PSD2: variants seen among roughly 807,000 people sequenced by gnomAD.
PSD2 encodes the protein PH and SEC7 domain-containing protein 2.
PSD2 carries 38 observed loss-of-function variants against 69.8 expected under a neutral mutation model. The ratio of observed to expected loss-of-function variants is 0.54; its 90% CI spans 0.42 to 0.71. The LOEUF is 0.71. Among genes scored for constraint, PSD2 ranks in the 30% least tolerant of loss-of-function variants. The pLI, the probability that PSD2 is intolerant of heterozygous loss-of-function variation, is 0.00. For synonymous variants in PSD2, 412 were observed against 423.0 expected (o/e 0.97, Z 0.32); for missense variants, 943 against 1,014.5 (o/e 0.93, Z 0.96).
the PSD2 span, among the ~76,000 whole-genome samples, chr5:139,787,065 G>A: frequency 6.6e-6 from 1 of 151,910 alleles, no homozygotes; most frequent in Non-Finnish European, 1.5e-5. Context: ...GGGCCTGGGG[G>A]GTGTGTGGGA....
upstream of PSD2, among the ~76,000 whole-genome samples, chr5:139,793,725 C>G (rs1008665188): frequency 6.6e-6 from 1 of 152,202 alleles, no homozygotes; most frequent in Non-Finnish European, 1.5e-5. Flanking sequence ...CAGTGGACAA[C>G]AATTAAATAG....
At chr5:139,772,742 C>T in the PSD2 span, 3 of 152,262 alleles carry the variant, frequency 2.0e-5, no homozygotes, top group Admixed American at 6.5e-5. Context: ...GAAACTCCTC[C>T]TCATGCAGCC....
the PSD2 span, among the ~76,000 whole-genome samples, chr5:139,784,107 A>G: frequency 1.3e-4 from 19 of 151,326 alleles, no homozygotes; most frequent in Admixed American, 1.2e-3. Flanking sequence ...ACACTGGCTA[A>G]TTTTTGTATT....
the PSD2 span, among the ~76,000 whole-genome samples, chr5:139,764,781 G>A: frequency 6.6e-6 from 1 of 152,188 alleles, no homozygotes; most frequent in African/African-American, 2.4e-5. Context: ...ATCTGGGGGA[G>A]GTAGATAATA....
chr5:139,820,067 T>C (rs1381865856), intron 5 of PSD2, among the ~76,000 whole-genome samples: 1 of 151,798 alleles, frequency 6.6e-6, no homozygotes, highest in African/African-American at 2.4e-5. Flanking sequence ...AGGGGAAAGG[T>C]CGGTGTGAGA....
chr5:139,756,280 C>T, the PSD2 span, among the ~76,000 whole-genome samples: 7 of 152,234 alleles, frequency 4.6e-5, no homozygotes, highest in Non-Finnish European at 5.9e-5. Flanking sequence ...CTCCGCCGCG[C>T]GGCGTAATTC....
the PSD2 span, among the ~76,000 whole-genome samples, chr5:139,756,272 C>G: frequency 2.0e-5 from 3 of 152,220 alleles, no homozygotes; most frequent in Non-Finnish European, 2.9e-5. Flanking sequence ...TTATCTGCCT[C>G]CGCCGCGCGG....
rs1303960548 is a variant in PSD2, at chr5:139,842,757, C to T, written c.*283C>T. The T allele has an allele frequency of 2.7e-6, 1 of 366,138 alleles. No individual in the cohort carries two copies. The allele number at this position is 366,138 out of a possible 1,614,324, so 22.7% of individuals were successfully genotyped here. On this transcript the variant is annotated 3_prime_UTR_variant, in exon 15 of 15. Coordinates refer to ENST00000274710, the MANE Select transcript of PSD2 (RefSeq NM_032289.4). ...AGTTGTGTGCATGCTCTAGACACCA[C>T]CTCGCTGGAGAAGCTGGAAGGGCTG...
rs1361423082 is a variant in PSD2 at position 139,838,638 on chromosome 5, G to A, written c.1834G>A (p.Glu612Lys). The change falls in exon 13 of 15, where the codon GAA becomes AAA. Residue 612 changes from glutamate (E) to lysine (K), a missense_variant. Transcript: ENST00000274710. ...CCCTCCTGTCCCCAGGAGCAAGGAA[G>A]AAATGCTGTCCTGGATCCTCAGGAT... ...VFLFQAPSKE[E>K]MLSWILRINL... The A allele has an allele frequency of 6.2e-7, 1 of 1,613,052 alleles. No homozygotes were observed. Among genetic ancestry groups the A allele is most frequent in the African/African-American group, 1.3e-5 (1 of 75,014 alleles).
rs114314063 is a variant in PSD2 at position 139,826,839 on chromosome 5, A to G, written c.1269+4055A>G. On this transcript the variant is annotated intron_variant, in intron 7 of 14. Coordinates refer to ENST00000274710, the MANE Select transcript of PSD2 (RefSeq NM_032289.4). ...CCTCATCCCAAGCCTGGCTTCCCCT[A>G]CATGGGCCCGATAGATGCAGCAATT... Among the ~76,000 whole-genome samples the G allele has an allele frequency of 3.5e-3, 536 of 152,282 alleles. 2 individuals are homozygous for G. The highest frequency in any genetic ancestry group is 0.014 in the Middle Eastern group (4 of 294).
At chr5:139,800,936 G>A (rs114978568) in intron 1 of PSD2, among the ~76,000 whole-genome samples, 3,040 of 152,110 alleles carry the variant, frequency 0.02, 108 homozygotes, top group African/African-American at 0.068. Context: ...TGGGCACGGC[G>A]GCTCACACCT....
the PSD2 span, among the ~76,000 whole-genome samples, chr5:139,766,920 CCTTCCTTCCCTTCTTTCTTTCTTT>C: frequency 1.2e-3 from 38 of 30,972 alleles, 1 homozygote; most frequent in Middle Eastern, 0.014. Flanking sequence ...TTCCTTCCTT[CCTTCCTTCCCTTCTTTCTTTCTTT>C]CTTTCTTTCT....
intron 5 of PSD2, among the ~76,000 whole-genome samples, chr5:139,819,181 G>A (rs772084989): frequency 6.6e-6 from 1 of 152,200 alleles, no homozygotes; most frequent in Non-Finnish European, 1.5e-5. Context: ...GAGGGTTTAC[G>A]TTGTCCTTTG....
rs138202504 is a variant in PSD2 at position 139,809,623 on chromosome 5, G to A, written c.183G>A (p.Thr61=). Residue 61 remains threonine (T), a synonymous_variant, in exon 2 of 15, where the codon ACG becomes ACA. Transcript: ENST00000274710. The part of the protein sequence containing the change: ...RGTPADTEEP[T]KDPDVAFHGL... ...CCCCAGCGGACACTGAGGAACCCACGAAGGACCCAGATGTGGCCTTCCATG... is the reference window on the plus strand; with the variant it reads ...CCCCAGCGGACACTGAGGAACCCACAAAGGACCCAGATGTGGCCTTCCATG... 43 of 1,614,262 alleles carry A rather than the reference G, an allele frequency of 2.7e-5. No individual in the cohort carries two copies. In the African/African-American group the frequency reaches 4.3e-4, roughly 16 times the overall value.
chr5:139,755,627 C>A, the PSD2 span, among the ~76,000 whole-genome samples: 1 of 128,362 alleles, frequency 7.8e-6, no homozygotes, highest in African/African-American at 3.1e-5. Context: ...AGCATCTCTG[C>A]GGCCCTGCTG....
At chr5:139,812,307 G>A (rs1480934012) in intron 2 of PSD2, among the ~76,000 whole-genome samples, 7 of 152,162 alleles carry the variant, frequency 4.6e-5, no homozygotes, top group Admixed American at 1.3e-4. Flanking sequence ...AGTCCTCACT[G>A]AGAAGGGGAT....
chr5:139,779,871 T>C, the PSD2 span, among the ~76,000 whole-genome samples: 1 of 152,244 alleles, frequency 6.6e-6, no homozygotes, highest in Non-Finnish European at 1.5e-5. Flanking sequence ...TTCCTTTTTA[T>C]TGTTGAGTAG....
chr5:139,831,782 TATTTC>T (rs1460671369), intron 7 of PSD2, among the ~76,000 whole-genome samples: 1 of 152,260 alleles, frequency 6.6e-6, no homozygotes, highest in African/African-American at 2.4e-5. Context: ...TTCTTTTTGT[TATTTC>T]ATTCATTTCT....
chr5:139,813,217 C>G, intron 2 of PSD2, 92 bp from the exon 3 acceptor site: 1 of 1,088,154 alleles, frequency 9.2e-7, no homozygotes, highest in Non-Finnish European at 1.3e-6. Context: ...GGTGTGCCCC[C>G]AGGGGGCTCC....
Sources: allele counts gnomAD v4.1 joint callset (sites outside exome capture counted in the v4.1 genomes callset), GRCh38; gene constraint gnomAD v4.1.1; transcripts MANE v1.5; gene names NCBI Gene and HGNC (gene_info 2026-07-23, HGNC 2026-07-21).